Variants in TEAD4 observed in about 807,000 individuals in gnomAD.
TEAD4 encodes the protein transcriptional enhancer factor TEF-3.
A neutral mutation model predicts 52.4 loss-of-function variants in TEAD4; 36 were observed. That is an observed-to-expected ratio of 0.69 (90% CI 0.53 to 0.91). The LOEUF is 0.91. TEAD4 is among the 40% of genes least tolerant of loss of function. TEAD4 has a pLI of 0.00. For missense variants in TEAD4, 508 were observed against 583.9 expected (o/e 0.87, Z 1.34); for synonymous variants, 220 against 231.0 (o/e 0.95, Z 0.43).
At chr12:2,969,841 C>T (rs4766014) in intron 2 of TEAD4, among the ~76,000 whole-genome samples, 115,242 of 152,104 alleles carry the variant, frequency 0.76, 45,736 homozygotes, top group Non-Finnish European at 0.88. Flanking sequence ...AAGATGACCC[C>T]CCACAACCCC....
intron 2 of TEAD4, among the ~76,000 whole-genome samples, chr12:2,965,773 C>T (rs1214855871): frequency 7.2e-5 from 11 of 151,946 alleles, no homozygotes; most frequent in Admixed American, 7.2e-4. Context: ...CTTGATCTCT[C>T]TACCTTGTGA....
intron 5 of TEAD4, among the ~76,000 whole-genome samples, chr12:3,015,118 G>A (rs1216294333): frequency 6.6e-6 from 1 of 152,158 alleles, no homozygotes; most frequent in Non-Finnish European, 1.5e-5. Flanking sequence ...GTGGGGAGGG[G>A]GCCAAGGGGG....
intron 2 of TEAD4, among the ~76,000 whole-genome samples, chr12:2,980,429 C>T (rs2098233177): frequency 6.6e-6 from 1 of 152,142 alleles, no homozygotes; most frequent in Admixed American, 6.5e-5. Context: ...TTCCTATTGT[C>T]AACAGAAGTG....
intron 5 of TEAD4, among the ~76,000 whole-genome samples, chr12:3,014,758 G>A (rs1216058835): frequency 1.3e-5 from 2 of 152,170 alleles, no homozygotes; most frequent in African/African-American, 4.8e-5. Flanking sequence ...TCCCCATCGG[G>A]TCCTTCCCAC....
chr12:2,994,710 A>T lies in TEAD4; in HGVS notation c.-29-28A>T. Reference sequence around the variant, plus strand: ...GGCCCACGCAGTTCTTCCACTGCTCACCGGGGCTGTGGTTCCTGTCCCCAC... The same window carrying T: ...GGCCCACGCAGTTCTTCCACTGCTCTCCGGGGCTGTGGTTCCTGTCCCCAC... On this transcript the variant is annotated intron_variant, in intron 2 of 12. Transcript: ENST00000359864. The surrounding 1 kb of genome is among the most constrained non-coding windows in gnomAD (Gnocchi z 4.7). 2.0e-6 allele frequency: 3 copies of T among 1,535,672 alleles called. No homozygotes were observed. Among genetic ancestry groups the T allele is most frequent in the Non-Finnish European group, 2.6e-6 (3 of 1,143,036 alleles).
chr12:3,036,661 C>A lies in TEAD4; in HGVS notation c.898-1307C>A, dbSNP rs549323084. Among the ~76,000 whole-genome samples, 4 of 152,254 alleles carry A rather than the reference C, an allele frequency of 2.6e-5. No homozygotes were observed. In the East Asian group the frequency reaches 7.7e-4, roughly 29 times the overall value. ...GGTGTGGGTGGGAGGAGCGGCCTCC[C>A]CTGAGAATAAGCCTTTGTAATGTGC... On this transcript the variant is annotated intron_variant, in intron 10 of 12. Transcript: ENST00000359864.
chr12:3,040,424 G>T lies in TEAD4; in HGVS notation c.1251G>T (p.Val417=), dbSNP rs761372211. 1.7e-4 allele frequency: 275 copies of T among 1,614,046 alleles called. No individual in the cohort carries two copies. Among genetic ancestry groups the T allele is most frequent in the Non-Finnish European group, 2.1e-4 (243 of 1,180,024 alleles). ...TGTGCATTGCCTATGTCTTTGAGGT[G>T]TCAGCCAGTGAGCACGGGGCTCAGC... The change falls in exon 13 of 13, where the codon GTG becomes GTT. Residue 417 remains valine (V), a synonymous_variant. Coordinates refer to ENST00000359864, the MANE Select transcript of TEAD4 (RefSeq NM_003213.4).
Position 3,017,663 on chromosome 12 carries a change from G to A in TEAD4, c.483+137G>A. 3 of 1,290,136 alleles carry A rather than the reference G, an allele frequency of 2.3e-6. No individual in the cohort carries two copies. In the South Asian group the frequency reaches 4.7e-5, roughly 20 times the overall value. 79.9% of individuals were successfully genotyped at this position (1,290,136 alleles called of 1,614,324 possible). On this transcript the variant is annotated intron_variant, in intron 6 of 12. Coordinates refer to ENST00000359864, the MANE Select transcript of TEAD4 (RefSeq NM_003213.4). ...CTTGGCCAGGGCAGTCAGGGAAGGA[G>A]GGAACAAGGACCCAAGGGCCACACA... is the stretch of plus-strand genomic sequence containing the variant.
chr12:2,991,369 A>G (rs1386640872), intron 2 of TEAD4, among the ~76,000 whole-genome samples: 1 of 152,174 alleles, frequency 6.6e-6, no homozygotes, highest in African/African-American at 2.4e-5. Context: ...TCTTTTAAGT[A>G]GTTTGTTTCA....
At chr12:3,039,751 G>T (rs141062064) in intron 11 of TEAD4, among the ~76,000 whole-genome samples, 1 of 152,162 alleles carries the variant, frequency 6.6e-6, no homozygotes, top group Non-Finnish European at 1.5e-5. Flanking sequence ...GCAGTGGTAC[G>T]ATCTCAGCTC....
At chr12:3,005,622 G>A (rs961170831) in intron 3 of TEAD4, among the ~76,000 whole-genome samples, 13 of 151,808 alleles carry the variant, frequency 8.6e-5, no homozygotes, top group African/African-American at 2.9e-4. Context: ...TCAGCCTCCC[G>A]AGTAGCTGGG....
At chr12:2,971,318 G>A (rs1206287489) in intron 2 of TEAD4, among the ~76,000 whole-genome samples, 1 of 152,246 alleles carries the variant, frequency 6.6e-6, no homozygotes, top group Middle Eastern at 3.4e-3. Flanking sequence ...ATATGTGTAA[G>A]AGAGAGGGAA....
chr12:3,014,670 G>A (rs73044510), intron 5 of TEAD4, among the ~76,000 whole-genome samples: 3,953 of 152,230 alleles, frequency 0.026, 90 homozygotes, highest in Middle Eastern at 0.044. Context: ...AGTGACAGGC[G>A]AGCAAGGTGA....
chr12:3,024,933 T>C (rs1292953258), intron 10 of TEAD4, among the ~76,000 whole-genome samples: 1 of 138,964 alleles, frequency 7.2e-6, no homozygotes, highest in African/African-American at 2.6e-5. Flanking sequence ...CTGCTCCAGT[T>C]TGAACGTGTT....
chr12:3,005,989 T>C (rs1447751691), intron 3 of TEAD4, among the ~76,000 whole-genome samples: 1 of 152,198 alleles, frequency 6.6e-6, no homozygotes, highest in Non-Finnish European at 1.5e-5. Flanking sequence ...CTGTAGCGAA[T>C]AATAACGTAT....
intron 2 of TEAD4, among the ~76,000 whole-genome samples, chr12:2,962,346 A>AT (rs1555118355): frequency 3.1e-5 from 4 of 128,060 alleles, no homozygotes; most frequent in African/African-American, 6.0e-5. Context: ...ATATATATAT[A>AT]TTTTTTGAGA....
chr12:3,017,157 C>T, intron 5 of TEAD4: 2 of 669,220 alleles, frequency 3.0e-6, no homozygotes, highest in South Asian at 1.5e-5. Flanking sequence ...TCTCTGTAAG[C>T]TCTGATGAAA....
chr12:2,988,967 A>T (rs1393457647), intron 2 of TEAD4, among the ~76,000 whole-genome samples: 1 of 152,128 alleles, frequency 6.6e-6, no homozygotes, highest in Non-Finnish European at 1.5e-5. Flanking sequence ...CCTTTAGAAT[A>T]AGCTGGTAAA....
chr12:2,973,091 G>A (rs1389454901), intron 2 of TEAD4, among the ~76,000 whole-genome samples: 2 of 149,730 alleles, frequency 1.3e-5, no homozygotes, highest in African/African-American at 5.1e-5. Context: ...ATGGAATCAT[G>A]CAGTTACATA....
Sources: allele counts gnomAD v4.1 joint callset (sites outside exome capture counted in the v4.1 genomes callset), GRCh38; gene constraint gnomAD v4.1.1; non-coding constraint Gnocchi (gnomAD v3.1); transcripts MANE v1.5; gene names NCBI Gene and HGNC (gene_info 2026-07-23, HGNC 2026-07-21).